MELTF: variants seen among roughly 807,000 people sequenced by gnomAD.
MELTF encodes the protein antigen p97 (melanoma associated) identified by monoclonal antibodies 133.2 and 96.5.
MELTF carries 67 observed loss-of-function variants against 83.7 expected under a neutral mutation model. The observed-to-expected ratio is 0.80, with a 90% CI of 0.66 to 0.98. The LOEUF (loss-of-function observed/expected upper bound fraction) is 0.98, where lower values mean the gene tolerates loss of function less well. Among genes scored for constraint, MELTF ranks in the 50% least tolerant of loss-of-function variants. MELTF has a pLI of 0.00. For missense variants in MELTF, 1,002 were observed against 1,035.6 expected, an observed-to-expected ratio of 0.97 and a Z score of 0.44; for synonymous variants, 462 against 447.6, an observed-to-expected ratio of 1.03 and a Z score of -0.41.
intron 4 of MELTF, 50 bp from the exon 5 acceptor site, chr3:197,023,163 AAGCCAAGCCCCCAGGGTC>A: frequency 6.2e-7 from 1 of 1,600,094 alleles, no homozygotes; most frequent in Non-Finnish European, 8.5e-7. Flanking sequence ...CTTCAGAGCC[AAGCCAAGCCCCCAGGGTC>A]AGCAGGGGGC....
At position 197,011,102 on chromosome 3, in the gene MELTF, C is replaced by T. The variant is rs1429474843; in HGVS notation, c.1234-308G>A. ...GCAAAGCAAGCGCGATCCCTACCCT[C>T]ATGCTTGGCGTGGGCCTCCCTGTGC... is the stretch of plus-strand genomic sequence containing the variant. On this transcript the variant is annotated intron_variant, in intron 9 of 15. Coordinates refer to ENST00000296350, the MANE Select transcript of MELTF (RefSeq NM_005929.6). This position sits in a 1 kb window ranked among gnomAD's most constrained non-coding sequence, Gnocchi z 4.2. 2.6e-5 allele frequency among the ~76,000 whole-genome samples: 4 copies of T among 152,250 alleles called. No homozygotes were observed. Among genetic ancestry groups the T allele is most frequent in the African/African-American group, 9.6e-5 (4 of 41,468 alleles).
rs140378511 is a variant in MELTF at position 197,013,010 on chromosome 3, G to A, written c.1234-2216C>T. 2.6e-3 allele frequency among the ~76,000 whole-genome samples: 392 copies of A among 152,270 alleles called. 3 individuals carry two copies. The highest frequency in any genetic ancestry group is 8.5e-3 in the African/African-American group (354 of 41,550). On this transcript the variant is annotated intron_variant, in intron 9 of 15. Coordinates refer to ENST00000296350, the MANE Select transcript of MELTF (RefSeq NM_005929.6). ...AATGCAAAATGTATTCTGAGTGCTC[G>A]GTGCTGTCAGCAATGCTGAACTTCC... is the stretch of plus-strand genomic sequence containing the variant.
Position 197,003,995 on chromosome 3 carries a change from C to T in MELTF, c.2043G>A (p.Val681=). The stretch of plus-strand genomic sequence containing the variant: ...GGTAGGTGGTTTTCTCTCCGACAGG[C>T]ACCGCCCGGACGGTGGCATCCTTGA... ...LLFKDATVRA[V]PVGEKTTYRG... The change falls in exon 15 of 16, where the codon GTG becomes GTA. Residue 681 remains valine (V), a synonymous_variant. Coordinates refer to ENST00000296350, the MANE Select transcript of MELTF (RefSeq NM_005929.6). This position sits in a 1 kb window ranked among gnomAD's most constrained non-coding sequence, Gnocchi z 6.2. 3 of 1,614,214 alleles carry T rather than the reference C, an allele frequency of 1.9e-6. No individual in the cohort carries two copies. The highest frequency in any genetic ancestry group is 4.5e-5 in the East Asian group (2 of 44,890).
intron 6 of MELTF, 65 bp downstream of exon 6, chr3:197,021,339 C>T: frequency 6.5e-7 from 1 of 1,529,554 alleles, no homozygotes; most frequent in Non-Finnish European, 9.0e-7. Context: ...CATCTAGGGT[C>T]CCTGCCCCAA....
chr3:197,014,026 G>A (rs1719271863), intron 9 of MELTF, among the ~76,000 whole-genome samples: 1 of 152,194 alleles, frequency 6.6e-6, no homozygotes, highest in South Asian at 2.1e-4. Flanking sequence ...CAAAGGAAAG[G>A]CAATCAGCCT....
rs371452660 is a variant in MELTF, at chr3:197,010,745, G to A, written c.1283C>T (p.Ala428Val). Residue 428 changes from alanine to valine, a missense_variant, in exon 10 of 16, where the codon GCG (alanine) becomes GTG (valine). By Grantham distance (64) the Ala-to-Val change is moderately conservative. Coordinates refer to ENST00000296350, the MANE Select transcript of MELTF (RefSeq NM_005929.6). Reference protein sequence around the residue: ...VTLSGEDIYTAGKTYGLVPAA... With the variant: ...VTLSGEDIYTVGKTYGLVPAA... Reference sequence around the variant, plus strand: ...GGGAACCAGGCCGTACGTCTTCCCCGCCGTGTAAATGTCCTCGCCACTCAG... The same window carrying A: ...GGGAACCAGGCCGTACGTCTTCCCCACCGTGTAAATGTCCTCGCCACTCAG... 137 of 1,613,704 alleles carry A rather than the reference G, an allele frequency of 8.5e-5. 2 individuals carry two copies. Among genetic ancestry groups the A allele is most frequent in the South Asian group, 5.9e-4 (54 of 91,082 alleles).
chr3:197,017,958 G>A (rs1444914068), intron 6 of MELTF, among the ~76,000 whole-genome samples: 5 of 152,208 alleles, frequency 3.3e-5, no homozygotes, highest in South Asian at 2.1e-4. Flanking sequence ...GAGGCACTGC[G>A]TTTGGCTCTG....
Position 197,024,153 on chromosome 3 carries a change from G to GGGGGGGGGGGGA in MELTF, c.487+149_487+150insTCCCCCCCCCCC. The GGGGGGGGGGGGA allele has an allele frequency of 1.2e-6, 1 of 803,160 alleles. No individual in the cohort carries two copies. The allele number at this position is 803,160 out of a possible 1,614,324, so 49.8% of individuals were successfully genotyped here. A position where few individuals can be genotyped will look rare whatever the true frequency, so the allele number is the denominator to read the frequency against. Reference sequence around the variant, plus strand: ...CGCCGGCGGCAGAGTGGAGGCGGGGGAGGCACGGGGCGGGCGGGGGCTGCT... The same window carrying GGGGGGGGGGGGA: ...CGCCGGCGGCAGAGTGGAGGCGGGGGGGGGGGGGGGGAAGGCACGGGGCGGGCGGGGGCTGCT... On this transcript the variant is annotated intron_variant, in intron 4 of 15. Coordinates refer to ENST00000296350, the MANE Select transcript of MELTF (RefSeq NM_005929.6). The surrounding 1 kb of genome is among the most constrained non-coding windows in gnomAD (Gnocchi z 5.3).
Position 197,015,438 on chromosome 3 carries a change from CG to C in MELTF, c.1159del (p.Arg387AlafsTer32). 2.5e-6 allele frequency: 4 copies of C among 1,604,406 alleles called. No individual in the cohort carries two copies. Among genetic ancestry groups the C allele is most frequent in the Non-Finnish European group, 3.4e-6 (4 of 1,176,092 alleles). The part of the protein sequence containing the change: ...QKCGDMAVAF[R>X]RQRLKPEIQC... Reference sequence around the variant, plus strand: ...GATCTCTGGCTTGAGCCGCTGCCGGCGGAAGGCCACGGCCATGTCTCCACAC... The same window carrying C: ...GATCTCTGGCTTGAGCCGCTGCCGGCGAAGGCCACGGCCATGTCTCCACAC... On this transcript the variant is annotated frameshift_variant, in exon 9 of 16. Coordinates refer to ENST00000296350, the MANE Select transcript of MELTF (RefSeq NM_005929.6). LOFTEE classifies it high-confidence loss of function.
Position 197,001,835 on chromosome 3 carries a change from T to C in MELTF, c.*1537A>G, listed in dbSNP as rs539510. On this transcript the variant is annotated 3_prime_UTR_variant, in exon 16 of 16. Coordinates refer to ENST00000296350, the MANE Select transcript of MELTF (RefSeq NM_005929.6). Reference sequence around the variant, plus strand: ...TTCATTAGCACTGACACAGCAGGGGTCCCCTGCTGCCACCTGACAATCCAG... The same window carrying C: ...TTCATTAGCACTGACACAGCAGGGGCCCCCTGCTGCCACCTGACAATCCAG... The C allele has an allele frequency of 0.67, 101,981 of 151,516 alleles. 34,918 individuals carry two copies. The highest frequency in any genetic ancestry group is 0.93 in the East Asian group (4,765 of 5,106). The allele number at this position is 151,516 out of a possible 1,614,324, so 9.4% of individuals were successfully genotyped here.
intron 14 of MELTF, among the ~76,000 whole-genome samples, chr3:197,005,010 TGC>T (rs957717467): frequency 6.0e-4 from 91 of 152,286 alleles, no homozygotes; most frequent in African/African-American, 2.1e-3. Flanking sequence ...GGAAGGAACA[TGC>T]GTCAGTTCAC....
At chr3:197,014,177 A>C (rs1719277181) in intron 9 of MELTF, among the ~76,000 whole-genome samples, 1 of 152,198 alleles carries the variant, frequency 6.6e-6, no homozygotes, top group African/African-American at 2.4e-5. Context: ...ATTTAGCCAT[A>C]AAAAAGAATG....
At position 197,023,099 on chromosome 3, in the gene MELTF, AAT is replaced by A; in HGVS notation, c.500_501del (p.Tyr167PhefsTer16). On this transcript the variant is annotated frameshift_variant, in exon 5 of 16. Transcript: ENST00000296350. LOFTEE classifies it high-confidence loss of function. The part of the protein sequence containing the change: ...GCDVLKAVSD[Y>X]FGGSCVPGAG... ...GCCCCCGGGACGCAGCTGCCCCCAA[AAT>A]AGTCGCTGACAGCTGTGGGAAGGAG... The A allele has an allele frequency of 6.2e-7, 1 of 1,613,632 alleles. No homozygotes were observed. The highest frequency in any genetic ancestry group is 1.1e-5 in the South Asian group (1 of 91,064).
At chr3:197,012,710 C>T (rs7618248) in intron 9 of MELTF, among the ~76,000 whole-genome samples, 9,320 of 152,330 alleles carry the variant, frequency 0.061, 923 homozygotes, top group African/African-American at 0.21. Flanking sequence ...CACGGGGGCC[C>T]CCTCTGCATC....
At position 197,011,012 on chromosome 3, in the gene MELTF, G is replaced by A. The variant is rs1719169277; in HGVS notation, c.1234-218C>T. On this transcript the variant is annotated intron_variant, in intron 9 of 15. Transcript: ENST00000296350. This position sits in a 1 kb window ranked among gnomAD's most constrained non-coding sequence, Gnocchi z 4.2. ...AGGAGTGGTGCCTGGAGGACCAAGG[G>A]GCAGAAACACCCACGCAGCACTCCT... is the stretch of plus-strand genomic sequence containing the variant. 6.6e-6 allele frequency among the ~76,000 whole-genome samples: 1 copy of A among 152,168 alleles called. No individual in the cohort carries two copies. Among genetic ancestry groups the A allele is most frequent in the Non-Finnish European group, 1.5e-5 (1 of 68,020 alleles).
At chr3:197,016,522 C>T (rs1222921979) in intron 7 of MELTF, among the ~76,000 whole-genome samples, 153 bp from the exon 8 acceptor site, 1 of 152,220 alleles carries the variant, frequency 6.6e-6, no homozygotes, top group Non-Finnish European at 1.5e-5. Context: ...CGGCGCCTCC[C>T]CTGATCTGCG....
chr3:197,003,402 G>A lies in MELTF; in HGVS notation c.2187C>T (p.Leu729=), dbSNP rs1718833689. ...GGGCGGGCGGGAGCAGGCGGGCGGC[G>A]AGGGCGGGCAGCAGCAGCGGGAGCA... ...APLLPLLLPA[L]AARLLPPAL is the part of the protein sequence containing the mutation. Residue 729 remains leucine (L), a synonymous_variant, in exon 16 of 16, where the codon CTC becomes CTT. Transcript: ENST00000296350. This position sits in a 1 kb window ranked among gnomAD's most constrained non-coding sequence, Gnocchi z 6.2. 9.1e-6 allele frequency: 10 copies of A among 1,102,252 alleles called. No homozygotes were observed. The South Asian group carries it at 2.6e-4, about 29-fold the overall frequency. 68.3% of individuals were successfully genotyped at this position (1,102,252 alleles called of 1,614,324 possible). A position where few individuals can be genotyped will look rare whatever the true frequency, so the allele number is the denominator to read the frequency against.
Position 197,011,836 on chromosome 3 carries a change from T to C in MELTF, c.1234-1042A>G, listed in dbSNP as rs1719197853. ...GGGTCTTTGAGCCCTTTGCTGGGGTTCTGAGGAGCCCCTGAAGTCTCTCCT... is the reference window on the plus strand; with the variant it reads ...GGGTCTTTGAGCCCTTTGCTGGGGTCCTGAGGAGCCCCTGAAGTCTCTCCT... On this transcript the variant is annotated intron_variant, in intron 9 of 15. Coordinates refer to ENST00000296350, the MANE Select transcript of MELTF (RefSeq NM_005929.6). This position sits in a 1 kb window ranked among gnomAD's most constrained non-coding sequence, Gnocchi z 4.2. Among the ~76,000 whole-genome samples the C allele has an allele frequency of 6.6e-6, 1 of 152,122 alleles. No homozygotes were observed. The highest frequency in any genetic ancestry group is 2.1e-4 in the South Asian group (1 of 4,828).
intron 6 of MELTF, among the ~76,000 whole-genome samples, chr3:197,017,839 T>C (rs796602257): frequency 3.2e-4 from 49 of 152,206 alleles, no homozygotes; most frequent in African/African-American, 9.9e-4. Flanking sequence ...ATCACGCCAC[T>C]GCACTCCAGC....
Sources: allele counts gnomAD v4.1 joint callset (sites outside exome capture counted in the v4.1 genomes callset), GRCh38; gene constraint gnomAD v4.1.1; non-coding constraint Gnocchi (gnomAD v3.1); transcripts MANE v1.5; gene names NCBI Gene and HGNC (gene_info 2026-07-23, HGNC 2026-07-21).